Variants in PRCD observed in about 807,000 individuals in gnomAD.
PRCD encodes the protein photoreceptor disc component.
In PRCD, 12 loss-of-function variants were observed where a neutral mutation model predicts 10.1. That is an observed-to-expected ratio of 1.18 (90% CI 0.76 to 1.92). PRCD has a LOEUF of 1.92. Ranked by LOEUF, PRCD falls within the 40% of genes most tolerant of loss-of-function variation. PRCD has a pLI of 0.00. For synonymous variants in PRCD, 31 were observed against 26.2 expected, an observed-to-expected ratio of 1.18 and a Z score of -0.56; for missense variants, 61 against 72.2, an observed-to-expected ratio of 0.84 and a Z score of 0.56.
intron 3 of PRCD, 58 bp from the exon 4 acceptor site, chr17:76,542,971 G>A (rs1049317882): frequency 1.8e-5 from 9 of 501,368 alleles, no homozygotes; most frequent in Non-Finnish European, 2.4e-5. Context: ...ACTCTGAAAT[G>A]CGAGTCCCAT....
chr17:76,537,229 G>C (rs1304052658), upstream of PRCD, among the ~76,000 whole-genome samples: 2 of 152,184 alleles, frequency 1.3e-5, no homozygotes, highest in South Asian at 4.1e-4. Flanking sequence ...GCTCAACCCA[G>C]GCTTCGTTCA....
rs2074796985 is a variant in PRCD, at chr17:76,528,726, C to T, written n.45+893C>T. 1.8e-6 allele frequency: 2 copies of T among 1,102,982 alleles called. No homozygotes were observed. Among genetic ancestry groups the T allele is most frequent in the Admixed American group, 8.5e-5 (2 of 23,558 alleles). 68.3% of individuals were successfully genotyped at this position (1,102,982 alleles called of 1,614,324 possible). A position where few individuals can be genotyped will look rare whatever the true frequency, so the allele number is the denominator to read the frequency against. On this transcript the variant is annotated intron_variant and non_coding_transcript_variant, in intron 1 of 4. Transcript: ENST00000397633. The surrounding 1 kb of genome is among the most constrained non-coding windows in gnomAD (Gnocchi z 5.8). The stretch of plus-strand genomic sequence containing the variant: ...GCTCACTTCCTGCCAAGAGATCCGG[C>T]ACAGTGCAGTTGAAAGCAACCGTGA...
exon 2 of PRCD, chr17:76,553,565 T>C (rs2075130964): frequency 2.0e-5 from 3 of 152,254 alleles, no homozygotes; most frequent in African/African-American, 4.8e-5. Flanking sequence ...GATTGCTTTC[T>C]GGGTAGAGAA....
intron 1 of PRCD, chr17:76,529,398 G>C (rs186085584): frequency 1.3e-5 from 13 of 985,416 alleles, no homozygotes; most frequent in Non-Finnish European, 1.4e-5. Flanking sequence ...AGGAGACTTC[G>C]GCCGTTTCAA....
In PRCD at chr17:76,542,623, G is replaced by C; in HGVS notation, c.*49G>C. The C allele has an allele frequency of 6.2e-7, 1 of 1,610,710 alleles. No individual in the cohort carries two copies. Among genetic ancestry groups the C allele is most frequent in the Non-Finnish European group, 8.5e-7 (1 of 1,176,876 alleles). On this transcript the variant is annotated 3_prime_UTR_variant, in exon 3 of 5. Transcript: ENST00000592014. Reference sequence around the variant, plus strand: ...TCAGGCCCAGAGACTGGGATCAGCTGGCTCAGGCAGGTAGGGCAGGGCTGG... The same window carrying C: ...TCAGGCCCAGAGACTGGGATCAGCTCGCTCAGGCAGGTAGGGCAGGGCTGG...
chr17:76,549,353 C>T (rs911095970), downstream of PRCD, among the ~76,000 whole-genome samples: 23 of 152,206 alleles, frequency 1.5e-4, no homozygotes, highest in Non-Finnish European at 1.0e-4. Context: ...TGCGGCTGGG[C>T]GCGGTGGCTC....
At chr17:76,550,346 C>T (rs527714365), downstream of PRCD, 2 of 151,340 alleles carry the variant, frequency 1.3e-5, no homozygotes, top group South Asian at 4.2e-4. Flanking sequence ...ATTGCAACCT[C>T]GCCTCCCAGG....
In PRCD at chr17:76,544,041, C is replaced by G. The variant is rs2075024196; in HGVS notation, c.*391C>G. ...GATGCTCAGTCCCGGCGGCTGCCTC[C>G]TTTGCCCCCAGCTGCTCTGCCATTT... On this transcript the variant is annotated 3_prime_UTR_variant, in exon 5 of 5. Transcript: ENST00000592014. 2 of 454,830 alleles carry G rather than the reference C, an allele frequency of 4.4e-6. No individual in the cohort carries two copies. Among genetic ancestry groups the G allele is most frequent in the South Asian group, 3.1e-5 (2 of 64,492 alleles). The allele number at this position is 454,830 out of a possible 1,614,324, so 28.2% of individuals were successfully genotyped here. A position where few individuals can be genotyped will look rare whatever the true frequency, so the allele number is the denominator to read the frequency against.
In PRCD at chr17:76,533,555, C is replaced by G. The variant is rs1420558057; in HGVS notation, n.45+5722C>G. Among the ~76,000 whole-genome samples, 1 of 150,812 alleles carries G rather than the reference C, an allele frequency of 6.6e-6. No homozygotes were observed. Among genetic ancestry groups the G allele is most frequent in the Non-Finnish European group, 1.5e-5 (1 of 67,726 alleles). ...GCCTGGGCAATGTGGCAAACCCTGTCTCTACAAAATACAAAAAATTAGCCA... is the reference window on the plus strand; with the variant it reads ...GCCTGGGCAATGTGGCAAACCCTGTGTCTACAAAATACAAAAAATTAGCCA... On this transcript the variant is annotated intron_variant and non_coding_transcript_variant, in intron 1 of 4. Transcript: ENST00000397633. This position sits in a 1 kb window ranked among gnomAD's most constrained non-coding sequence, Gnocchi z 4.5.
At position 76,531,954 on chromosome 17, in the gene PRCD, G is replaced by A. The variant is rs905337066; in HGVS notation, n.45+4121G>A. 1.1e-4 allele frequency: 43 copies of A among 375,368 alleles called. No individual in the cohort carries two copies. The highest frequency in any genetic ancestry group is 7.6e-4 in the African/African-American group (38 of 49,862). 23.3% of individuals were successfully genotyped at this position (375,368 alleles called of 1,614,324 possible). A position where few individuals can be genotyped will look rare whatever the true frequency, so the allele number is the denominator to read the frequency against. ...CATCTCCTAGGCCTCTGTCTTCCTCGCTTCTTGCTTCCTTCCCAAACTCTA... is the reference window on the plus strand; with the variant it reads ...CATCTCCTAGGCCTCTGTCTTCCTCACTTCTTGCTTCCTTCCCAAACTCTA... On this transcript the variant is annotated intron_variant and non_coding_transcript_variant, in intron 1 of 4. Coordinates refer to the PRCD transcript ENST00000397633. This position sits in a 1 kb window ranked among gnomAD's most constrained non-coding sequence, Gnocchi z 7.4.
chr17:76,540,010 C>T (rs1161614431), upstream of PRCD: 13 of 932,264 alleles, frequency 1.4e-5, no homozygotes, highest in East Asian at 2.4e-4. The surrounding 1 kb of genome is among the most constrained non-coding windows in gnomAD (Gnocchi z 5.0). Context: ...TCAGCTTGAG[C>T]CTCCTAATCC....
chr17:76,547,148 G>A (rs4648341), downstream of PRCD: 96,031 of 152,250 alleles, frequency 0.63, 33,805 homozygotes, highest in East Asian at 0.87. Context: ...GGCCCTGAGA[G>A]GCTGGTTCTT....
At position 76,545,059 on chromosome 17, in the gene PRCD, T is replaced by A; in HGVS notation, c.*1409T>A. 2.4e-6 allele frequency: 1 copy of A among 422,022 alleles called. No homozygotes were observed. Among genetic ancestry groups the A allele is most frequent in the South Asian group, 1.6e-5 (1 of 62,498 alleles). 26.1% of individuals were successfully genotyped at this position (422,022 alleles called of 1,614,324 possible). Reference sequence around the variant, plus strand: ...CAGCTGGGGTGCCATGTGGGCCGGGTGGGGGGGCTGTCTCCCCCAGGGAGC... The same window carrying A: ...CAGCTGGGGTGCCATGTGGGCCGGGAGGGGGGGCTGTCTCCCCCAGGGAGC... On this transcript the variant is annotated 3_prime_UTR_variant, in exon 5 of 5. Transcript: ENST00000592014.
chr17:76,547,656 CACACACAT>C (rs2075064945), downstream of PRCD, among the ~76,000 whole-genome samples: 1 of 151,504 alleles, frequency 6.6e-6, no homozygotes, highest in Non-Finnish European at 1.5e-5. Context: ...CACACACACA[CACACACAT>C]ATTCACACAC....
rs2074982303 is a variant in PRCD, at chr17:76,540,708, G to C, written c.143+135G>C. ...TCCTGGCCCTTGCCCTAAGCACCCTGCTCCCTGTCCGCCTGCTGGGCAGGC... is the reference window on the plus strand; with the variant it reads ...TCCTGGCCCTTGCCCTAAGCACCCTCCTCCCTGTCCGCCTGCTGGGCAGGC... On this transcript the variant is annotated intron_variant, in intron 2 of 4. Transcript: ENST00000592014. This position sits in a 1 kb window ranked among gnomAD's most constrained non-coding sequence, Gnocchi z 5.0. 2 of 856,484 alleles carry C rather than the reference G, an allele frequency of 2.3e-6. No individual in the cohort carries two copies. Among genetic ancestry groups the C allele is most frequent in the Admixed American group, 2.0e-5 (1 of 48,898 alleles). The allele number at this position is 856,484 out of a possible 1,614,324, so 53.1% of individuals were successfully genotyped here.
At chr17:76,542,658 A>G (rs1361154450) in intron 3 of PRCD, 25 bp downstream of exon 3, 6 of 1,470,202 alleles carry the variant, frequency 4.1e-6, no homozygotes, top group Non-Finnish European at 4.8e-6. Context: ...GGAGCCGGGG[A>G]GGGCAGAGGG....
rs2074794260 is a variant in PRCD, at chr17:76,528,577, C to A, written n.45+744C>A. On this transcript the variant is annotated intron_variant and non_coding_transcript_variant, in intron 1 of 4. Coordinates refer to the PRCD transcript ENST00000397633. The surrounding 1 kb of genome is among the most constrained non-coding windows in gnomAD (Gnocchi z 5.8). ...CAGGGAGGGGGGTGGAGTTAGGGGT[C>A]CTACGGCCCCGAAGAGGGCAGTGTG... 4 of 1,285,656 alleles carry A rather than the reference C, an allele frequency of 3.1e-6. No individual in the cohort carries two copies. Among genetic ancestry groups the A allele is most frequent in the Non-Finnish European group, 3.0e-6 (3 of 1,008,806 alleles). 79.6% of individuals were successfully genotyped at this position (1,285,656 alleles called of 1,614,324 possible). A position where few individuals can be genotyped will look rare whatever the true frequency, so the allele number is the denominator to read the frequency against.
chr17:76,532,110 T>C (rs1567907028), intron 1 of PRCD: 3 of 167,512 alleles, frequency 1.8e-5, no homozygotes, highest in Non-Finnish European at 3.9e-5. Context: ...AAATACTGCT[T>C]TCATGAAGTC....
chr17:76,541,036 A>G (rs1310400010), intron 2 of PRCD, among the ~76,000 whole-genome samples: 1 of 152,200 alleles, frequency 6.6e-6, no homozygotes, highest in African/African-American at 2.4e-5. Context: ...CATCATCAGC[A>G]TAGAGTGCCA....
Sources: gnomAD v4.1 joint callset for allele counts (sites outside exome capture counted in the v4.1 genomes callset) on GRCh38, gnomAD v4.1.1 for gene constraint, Gnocchi (gnomAD v3.1) non-coding constraint, MANE v1.5 for transcripts, NCBI Gene and HGNC (gene_info 2026-07-23, HGNC 2026-07-21) for gene names.